CCDC85A: variants seen among roughly 807,000 people sequenced by gnomAD.
CCDC85A encodes the protein coiled-coil domain-containing protein 85A.
In CCDC85A, 38 loss-of-function variants were observed where a neutral mutation model predicts 50.2. The observed-to-expected ratio is 0.76, with a 90% CI of 0.58 to 0.99. CCDC85A has a LOEUF of 0.99. Among genes scored for constraint, CCDC85A ranks in the 50% least tolerant of loss-of-function variants. The pLI, the probability that CCDC85A is intolerant of heterozygous loss-of-function variation, is 0.00. For synonymous variants in CCDC85A, 366 were observed against 301.4 expected, an observed-to-expected ratio of 1.21 and a Z score of -2.22; for missense variants, 820 against 742.0, an observed-to-expected ratio of 1.11 and a Z score of -1.22.
intron 2 of CCDC85A, among the ~76,000 whole-genome samples, chr2:56,196,313 T>C (rs537504072): frequency 6.6e-6 from 1 of 152,318 alleles, no homozygotes; most frequent in East Asian, 1.9e-4. Flanking sequence ...TAGAGTTCCG[T>C]TTTCAAATAG....
intron 5 of CCDC85A, among the ~76,000 whole-genome samples, chr2:56,381,808 C>T (rs1335198065): frequency 3.9e-5 from 6 of 152,058 alleles, no homozygotes; most frequent in East Asian, 1.9e-4. Context: ...ATCTTAGTCT[C>T]AATAGAGACC....
intron 3 of CCDC85A, among the ~76,000 whole-genome samples, chr2:56,364,628 A>G (rs1675697683): frequency 1.3e-5 from 2 of 152,176 alleles, no homozygotes; most frequent in South Asian, 4.1e-4. Flanking sequence ...CTGATGAAAG[A>G]GTTAGATCTA....
At chr2:56,311,464 T>A (rs1475605950) in intron 2 of CCDC85A, among the ~76,000 whole-genome samples, 1 of 152,208 alleles carries the variant, frequency 6.6e-6, no homozygotes, top group African/African-American at 2.4e-5. Flanking sequence ...GTTGTTTTTT[T>A]TTTTAATTTT....
chr2:56,362,339 G>A (rs1675569497), intron 3 of CCDC85A, among the ~76,000 whole-genome samples: 1 of 152,108 alleles, frequency 6.6e-6, no homozygotes, highest in South Asian at 2.1e-4. Context: ...ACATCAACAA[G>A]GAGATGTCAC....
chr2:56,259,106 G>A (rs2104016256), intron 2 of CCDC85A, among the ~76,000 whole-genome samples: 1 of 152,320 alleles, frequency 6.6e-6, no homozygotes, highest in African/African-American at 2.4e-5. Flanking sequence ...GCTAACTGAG[G>A]AGCCGTGCTG....
At chr2:56,344,072 T>C (rs191820358) in intron 3 of CCDC85A, among the ~76,000 whole-genome samples, 1 of 152,248 alleles carries the variant, frequency 6.6e-6, no homozygotes, top group African/African-American at 2.4e-5. Flanking sequence ...CCTACAGTAG[T>C]TGTCCCCCTT....
intron 2 of CCDC85A, among the ~76,000 whole-genome samples, chr2:56,208,399 C>T (rs1038946082): frequency 2.0e-5 from 3 of 152,130 alleles, no homozygotes; most frequent in East Asian, 1.9e-4. Flanking sequence ...ACACATCAAC[C>T]GACATTGACT....
intron 2 of CCDC85A, among the ~76,000 whole-genome samples, chr2:56,222,116 T>C (rs1325787854): frequency 6.6e-6 from 1 of 152,108 alleles, no homozygotes; most frequent in Admixed American, 6.6e-5. Context: ...CTTCGGGGGT[T>C]AAGTTCCCAA....
chr2:56,209,061 A>G (rs1044021941), intron 2 of CCDC85A, among the ~76,000 whole-genome samples: 1 of 152,104 alleles, frequency 6.6e-6, no homozygotes, highest in Admixed American at 6.6e-5. Flanking sequence ...AAATCTGGCC[A>G]TTGTGAGCCA....
intron 3 of CCDC85A, among the ~76,000 whole-genome samples, chr2:56,363,026 C>T (rs540526941): frequency 6.6e-6 from 1 of 152,148 alleles, no homozygotes; most frequent in African/African-American, 2.4e-5. Context: ...ACTCTCTGTG[C>T]CCTAGACTTA....
chr2:56,335,667 T>A (rs962126920), intron 2 of CCDC85A, among the ~76,000 whole-genome samples: 3 of 151,430 alleles, frequency 2.0e-5, no homozygotes, highest in African/African-American at 7.3e-5. Context: ...AGTGGCACAA[T>A]CTGGGCCCAC....
intron 2 of CCDC85A, among the ~76,000 whole-genome samples, chr2:56,298,808 T>C (rs1461018801): frequency 1.3e-5 from 2 of 152,194 alleles, no homozygotes; most frequent in Non-Finnish European, 2.9e-5. Flanking sequence ...ATACCACTTC[T>C]GTTTACTTTT....
At chr2:56,251,651 C>T (rs1669761610) in intron 2 of CCDC85A, among the ~76,000 whole-genome samples, 1 of 152,032 alleles carries the variant, frequency 6.6e-6, no homozygotes, top group Non-Finnish European at 1.5e-5. Flanking sequence ...TCTTTACCTG[C>T]TCTGCCTCTT....
chr2:56,201,713 T>C (rs754142904), intron 2 of CCDC85A, among the ~76,000 whole-genome samples: 1 of 152,208 alleles, frequency 6.6e-6, no homozygotes, highest in Non-Finnish European at 1.5e-5. Context: ...TATATATGCA[T>C]ATATTGATGC....
rs1331230148 is a variant in CCDC85A at position 56,184,692 on chromosome 2, C to A, written c.68C>A (p.Ala23Asp). 3 of 1,523,168 alleles carry A rather than the reference C, an allele frequency of 2.0e-6. No homozygotes were observed. The East Asian group carries it at 7.9e-5, about 40-fold the overall frequency. The allele number at this position is 1,523,168 out of a possible 1,614,324, so 94.4% of individuals were successfully genotyped here. ...AAAESCSPAPAGSSAAPPAPV... is the reference protein window; with the variant it reads ...AAAESCSPAPDGSSAAPPAPV... Reference sequence around the variant, plus strand: ...GCGGAAAGTTGTTCCCCAGCCCCGGCCGGCTCGTCCGCGGCCCCGCCCGCG... The same window carrying A: ...GCGGAAAGTTGTTCCCCAGCCCCGGACGGCTCGTCCGCGGCCCCGCCCGCG... The change falls in exon 1 of 6, where the codon GCC becomes GAC. Residue 23 changes from alanine (A) to aspartate (D), a missense_variant. Coordinates refer to ENST00000407595, the MANE Select transcript of CCDC85A (RefSeq NM_001080433.2).
chr2:56,309,925 C>T (rs1217776994), intron 2 of CCDC85A, among the ~76,000 whole-genome samples: 1 of 152,082 alleles, frequency 6.6e-6, no homozygotes, highest in Non-Finnish European at 1.5e-5. Context: ...GTGCACTTTG[C>T]CCGAGAGAGA....
At position 56,265,091 on chromosome 2, in the gene CCDC85A, T is replaced by G. The variant is rs554945554; in HGVS notation, c.1240+71651T>G. 7.9e-5 allele frequency among the ~76,000 whole-genome samples: 12 copies of G among 152,300 alleles called. No homozygotes were observed. The South Asian group carries it at 2.3e-3, about 29-fold the overall frequency. ...TAGCACTTGCCACTATGTGACTTCA[T>G]GACCTGTGATGCTAGACTTTGCTCA... On this transcript the variant is annotated intron_variant, in intron 2 of 5. Coordinates refer to ENST00000407595, the MANE Select transcript of CCDC85A (RefSeq NM_001080433.2).
intron 3 of CCDC85A, among the ~76,000 whole-genome samples, chr2:56,344,299 A>T (rs1216189090): frequency 6.6e-6 from 1 of 152,230 alleles, no homozygotes; most frequent in Non-Finnish European, 1.5e-5. Flanking sequence ...AAGCACTGAG[A>T]TGCTGTGACC....
chr2:56,257,790 G>A (rs1431607839), intron 2 of CCDC85A, among the ~76,000 whole-genome samples: 2 of 152,144 alleles, frequency 1.3e-5, no homozygotes, highest in Non-Finnish European at 2.9e-5. Context: ...GAAATGATGA[G>A]GATCTGAACA....
Sources: gnomAD v4.1 joint callset for allele counts (sites outside exome capture counted in the v4.1 genomes callset) on GRCh38, gnomAD v4.1.1 for gene constraint, MANE v1.5 for transcripts, NCBI Gene and HGNC (gene_info 2026-07-23, HGNC 2026-07-21) for gene names.